C8orf34: variants seen among roughly 807,000 people sequenced by gnomAD.
C8orf34 encodes the protein uncharacterized protein C8orf34.
C8orf34 carries 65 observed loss-of-function variants against 68.3 expected under a neutral mutation model. That is an observed-to-expected ratio of 0.95 (90% CI 0.78 to 1.17). The LOEUF is 1.17. Ranked by LOEUF, C8orf34 falls within the 50% of genes most tolerant of loss-of-function variation. The probability of loss-of-function intolerance (pLI) is 0.00; values close to 1 mark genes in which losing one functional copy is unlikely to be tolerated. For synonymous variants in C8orf34, 244 were observed against 241.2 expected, an observed-to-expected ratio of 1.01 and a Z score of -0.11; for missense variants, 664 against 655.4, an observed-to-expected ratio of 1.01 and a Z score of -0.14.
rs1032563602 is a variant in C8orf34, at chr8:68,786,461, A to G, written c.1456-982A>G. ...TATTTTTAAGGACGGAAAAGATGAAAGTATAATTATTACATGGTATGATTC... is the reference window on the plus strand; with the variant it reads ...TATTTTTAAGGACGGAAAAGATGAAGGTATAATTATTACATGGTATGATTC... On this transcript the variant is annotated intron_variant, in intron 11 of 13. Coordinates refer to ENST00000518698, the MANE Select transcript of C8orf34 (RefSeq NM_052958.4). 3.9e-5 allele frequency among the ~76,000 whole-genome samples: 6 copies of G among 152,210 alleles called. No homozygotes were observed. The East Asian group carries it at 1.2e-3, about 29-fold the overall frequency.
At chr8:68,721,275 TA>T in intron 9 of C8orf34, 85 bp from the exon 10 acceptor site, 1 of 834,976 alleles carries the variant, frequency 1.2e-6, no homozygotes, top group Non-Finnish European at 1.9e-6. Flanking sequence ...TCCATCATTT[TA>T]TTCTTCTCAC....
In C8orf34 at chr8:68,787,582, GA is replaced by G. The variant is rs780154652; in HGVS notation, c.1549+49del. ...ATTGACAAATTTCTTTTACCAGAAG[GA>G]AATCCACAATAAAGCTATTTCACTT... On this transcript the variant is annotated intron_variant, in intron 12 of 13. Coordinates refer to ENST00000518698, the MANE Select transcript of C8orf34 (RefSeq NM_052958.4). 4.9e-5 allele frequency: 66 copies of G among 1,341,302 alleles called. 1 individual carries two copies. Among genetic ancestry groups the G allele is most frequent in the South Asian group, 2.8e-4 (20 of 72,422 alleles). The allele number at this position is 1,341,302 out of a possible 1,614,324, so 83.1% of individuals were successfully genotyped here. A position where few individuals can be genotyped will look rare whatever the true frequency, so the allele number is the denominator to read the frequency against.
chr8:68,525,348 C>T (rs1814927574), intron 6 of C8orf34, among the ~76,000 whole-genome samples: 1 of 152,130 alleles, frequency 6.6e-6, no homozygotes, highest in Non-Finnish European at 1.5e-5. Context: ...AATATGTAAT[C>T]TGCCCAAGAA....
In C8orf34 at chr8:68,670,594, G is replaced by C. The variant is rs547385411; in HGVS notation, c.1241+30083G>C. Among the ~76,000 whole-genome samples the C allele has an allele frequency of 1.4e-4, 21 of 152,156 alleles. 1 individual carries two copies. In the East Asian group the frequency reaches 3.9e-3, roughly 28 times the overall value. On this transcript the variant is annotated intron_variant, in intron 8 of 13. Transcript: ENST00000518698. ...CAAAGCTCAGAGGAAACTTGTCCCAGACCATTGTTCTTTGGGTTCATTTAA... is the reference window on the plus strand; with the variant it reads ...CAAAGCTCAGAGGAAACTTGTCCCACACCATTGTTCTTTGGGTTCATTTAA...
intron 3 of C8orf34, among the ~76,000 whole-genome samples, chr8:68,452,176 G>C (rs555523688): frequency 6.6e-6 from 1 of 151,572 alleles, no homozygotes; most frequent in Non-Finnish European, 1.5e-5. Flanking sequence ...ATTGCTATGA[G>C]TGTTCATATA....
chr8:68,640,266 A>G (rs915744922), intron 7 of C8orf34, 110 bp from the exon 8 acceptor site: 3 of 922,660 alleles, frequency 3.3e-6, no homozygotes, highest in African/African-American at 3.3e-5. Flanking sequence ...CAAAGGGGAT[A>G]TATATTGTTT....
intron 3 of C8orf34, chr8:68,447,729 T>A: frequency 6.6e-6 from 1 of 152,354 alleles, no homozygotes; most frequent in African/African-American, 2.4e-5. Context: ...ATTTACATAG[T>A]GGTACTCATA....
intron 5 of C8orf34, among the ~76,000 whole-genome samples, chr8:68,506,435 G>T (rs928137789): frequency 2.0e-5 from 3 of 152,192 alleles, no homozygotes; most frequent in African/African-American, 7.2e-5. Flanking sequence ...CTGAGTTTAA[G>T]CAATCATGCT....
At chr8:68,766,621 C>A (rs916172347) in intron 10 of C8orf34, among the ~76,000 whole-genome samples, 1 of 152,034 alleles carries the variant, frequency 6.6e-6, no homozygotes, top group South Asian at 2.1e-4. Flanking sequence ...TTATCTAGAC[C>A]GAAAGCTTTG....
chr8:68,425,938 A>G (rs889484162), intron 1 of C8orf34, among the ~76,000 whole-genome samples: 2 of 152,212 alleles, frequency 1.3e-5, no homozygotes, highest in Non-Finnish European at 1.5e-5. Flanking sequence ...ACTCTTCTGC[A>G]TAAATGATAC....
chr8:68,378,402 C>T (rs948766562), intron 1 of C8orf34, among the ~76,000 whole-genome samples: 3 of 152,068 alleles, frequency 2.0e-5, no homozygotes, highest in Admixed American at 6.5e-5. Context: ...GCAGCCTTGG[C>T]CTCCTGGACT....
At chr8:68,809,903 A>G (rs954998055) in intron 12 of C8orf34, among the ~76,000 whole-genome samples, 2 of 152,232 alleles carry the variant, frequency 1.3e-5, no homozygotes, top group Non-Finnish European at 2.9e-5. Flanking sequence ...ACGATTAAAA[A>G]GAAGAGCTCT....
chr8:68,794,153 A>T (rs1824094352), intron 12 of C8orf34, among the ~76,000 whole-genome samples: 2 of 151,412 alleles, frequency 1.3e-5, no homozygotes, highest in Non-Finnish European at 1.5e-5. Flanking sequence ...TGATTTCGGA[A>T]TTTTTTTTCT....
intron 8 of C8orf34, among the ~76,000 whole-genome samples, chr8:68,664,548 C>T (rs1479674966): frequency 6.6e-6 from 1 of 152,024 alleles, no homozygotes; most frequent in African/African-American, 2.4e-5. Context: ...TAAAGTAGGC[C>T]TTGTGATAGA....
intron 3 of C8orf34, 102 bp downstream of exon 3, chr8:68,446,562 A>C: frequency 8.1e-7 from 1 of 1,238,898 alleles, no homozygotes; most frequent in East Asian, 2.5e-5. Context: ...TTCATCTGAT[A>C]TTTCTGGCCT....
intron 1 of C8orf34, among the ~76,000 whole-genome samples, chr8:68,374,715 CA>C (rs1563387482): frequency 6.6e-6 from 1 of 151,948 alleles, no homozygotes; most frequent in African/African-American, 2.4e-5. Flanking sequence ...AAAATGTAAA[CA>C]GTTTAAATAA....
At chr8:68,436,925 G>A (rs1190453365) in intron 1 of C8orf34, among the ~76,000 whole-genome samples, 1 of 152,096 alleles carries the variant, frequency 6.6e-6, no homozygotes, top group African/African-American at 2.4e-5. Context: ...CTGGGAAAGG[G>A]GTTTCTGTCA....
intron 1 of C8orf34, among the ~76,000 whole-genome samples, chr8:68,362,176 T>C (rs889752995): frequency 6.6e-6 from 1 of 152,226 alleles, no homozygotes; most frequent in Non-Finnish European, 1.5e-5. Flanking sequence ...CCTTGTTTAA[T>C]TGATTGATTG....
At chr8:68,534,588 C>T (rs1815384168) in intron 7 of C8orf34, 2 of 973,554 alleles carry the variant, frequency 2.1e-6, no homozygotes, top group African/African-American at 1.8e-5. Context: ...CTAGAGAAGC[C>T]GATTACTCTG....
Sources: allele counts gnomAD v4.1 joint callset (sites outside exome capture counted in the v4.1 genomes callset), GRCh38; gene constraint gnomAD v4.1.1; transcripts MANE v1.5; gene names NCBI Gene and HGNC (gene_info 2026-07-23, HGNC 2026-07-21).